GET1: variants seen among roughly 807,000 people sequenced by gnomAD.
GET1 encodes guided entry of tail-anchored proteins factor 1, also known as congenital heart disease 5 protein.
Under a neutral mutation model 22.6 loss-of-function variants are expected in GET1, and 20 were observed. The observed-to-expected ratio is 0.89, with a 90% CI of 0.62 to 1.29. The LOEUF (loss-of-function observed/expected upper bound fraction) is 1.29, where lower values mean the gene tolerates loss of function less well. GET1 is among the 50% of genes most tolerant of loss of function. The probability of loss-of-function intolerance (pLI) is 0.00; values close to 1 mark genes in which losing one functional copy is unlikely to be tolerated. For missense variants in GET1, 209 were observed against 219.9 expected (o/e 0.95, Z 0.31); for synonymous variants, 92 against 83.8 (o/e 1.10, Z -0.53).
Position 39,380,486 on chromosome 21 carries a change from C to A in GET1, c.102C>A (p.Phe34Leu). The A allele has an allele frequency of 6.2e-7, 1 of 1,610,586 alleles. No individual in the cohort carries two copies. The highest frequency in any genetic ancestry group is 8.5e-7 in the Non-Finnish European group (1 of 1,178,312). Residue 34 changes from phenylalanine (F) to leucine (L), a missense_variant and splice_region_variant, in exon 1 of 5, where the codon TTC becomes TTA. By Grantham distance (22) the Phe-to-Leu change is conservative. Transcript: ENST00000649170. ...TCCTCCTCCCGTCCTTCTCATCCTT[C>A]GTAAGTGGCTGCCTGGCCTCCCAAG... ...LRILLPSFSS[F>L]MSRVLQKDAE... is the part of the protein sequence containing the mutation.
intron 1 of GET1, chr21:39,423,137 T>C: frequency 6.2e-7 from 1 of 1,613,716 alleles, no homozygotes; most frequent in South Asian, 1.1e-5. Context: ...CTAAGTTTCC[T>C]AGATAGAGTT....
chr21:39,409,435 TA>T (rs1244915579), downstream of GET1, among the ~76,000 whole-genome samples: 1 of 152,086 alleles, frequency 6.6e-6, no homozygotes. This position sits in a 1 kb window ranked among gnomAD's most constrained non-coding sequence, Gnocchi z 4.2. Context: ...ATGACTGGCC[TA>T]AAACCCAAGA....
chr21:39,382,951 T>A (rs971581070), intron 1 of GET1, among the ~76,000 whole-genome samples: 2 of 152,020 alleles, frequency 1.3e-5, no homozygotes, highest in African/African-American at 4.8e-5. Context: ...TTTATTTTTT[T>A]ATTTATTTTT....
rs181135894 is a variant in GET1, at chr21:39,419,266, T to C, written c.*23+8329T>C. ...CAGGCTGGGTGTGGTGGCTCACACC[T>C]GTAATCCTAACACTTTGGAAGGCCA... On this transcript the variant is annotated intron_variant, in intron 1 of 1. Transcript: ENST00000478273. Among the ~76,000 whole-genome samples, 427 of 152,266 alleles carry C rather than the reference T, an allele frequency of 2.8e-3. 4 individuals are homozygous for C. Among genetic ancestry groups the C allele is most frequent in the African/African-American group, 9.7e-3 (402 of 41,568 alleles).
At chr21:39,410,129 T>TG (rs147198736), downstream of GET1, 897 of 1,453,518 alleles carry the variant, frequency 6.2e-4, 2 homozygotes, top group African/African-American at 0.011. Flanking sequence ...AAACACATTT[T>TG]GGGGGGTCTA....
intron 1 of GET1, 89 bp downstream of exon 1, chr21:39,380,575 G>A (rs2037492070): frequency 2.0e-6 from 3 of 1,533,008 alleles, no homozygotes; most frequent in Non-Finnish European, 1.8e-6. Context: ...GTCTCAACTG[G>A]GCGACTGAAG....
chr21:39,425,379 AG>A (rs2074488815), intron 1 of GET1, among the ~76,000 whole-genome samples: 1 of 152,254 alleles, frequency 6.6e-6, no homozygotes, highest in African/African-American at 2.4e-5. Context: ...TAACTATGAA[AG>A]AACTCATAGA....
At chr21:39,403,715 A>G (rs1233075145) in intron 4 of GET1, among the ~76,000 whole-genome samples, 1 of 149,492 alleles carries the variant, frequency 6.7e-6, no homozygotes. Flanking sequence ...TCTGCCTCCC[A>G]GGTTCAAGCA....
At chr21:39,404,833 ATTT>A (rs1302762040) in intron 4 of GET1, among the ~76,000 whole-genome samples, 3 of 136,820 alleles carry the variant, frequency 2.2e-5, no homozygotes. Flanking sequence ...ACATATATGT[ATTT>A]TTTTTTTTTT....
chr21:39,405,647 A>T (rs2147046426), intron 4 of GET1, among the ~76,000 whole-genome samples: 1 of 152,344 alleles, frequency 6.6e-6, no homozygotes, highest in East Asian at 1.9e-4. Context: ...TCCAGAAGAT[A>T]ATGGATGTTT....
downstream of GET1, chr21:39,410,251 A>G (rs1196476939): frequency 6.5e-7 from 1 of 1,550,178 alleles, no homozygotes; most frequent in Non-Finnish European, 8.9e-7. Context: ...GCAAGATTCC[A>G]AATTTGCTGT....
At chr21:39,395,353 T>A (rs1235710716) in intron 4 of GET1, among the ~76,000 whole-genome samples, 2 of 142,154 alleles carry the variant, frequency 1.4e-5, no homozygotes, top group African/African-American at 5.1e-5. Context: ...GAATACTGTA[T>A]CAAAAGGAAT....
At chr21:39,418,752 G>A (rs915880187) in intron 1 of GET1, among the ~76,000 whole-genome samples, 7 of 152,050 alleles carry the variant, frequency 4.6e-5, no homozygotes, top group Non-Finnish European at 5.9e-5. Context: ...TGCCCGCCTC[G>A]GCCTCCCAAA....
At chr21:39,401,150 A>G (rs902430508), downstream of GET1, among the ~76,000 whole-genome samples, 1 of 152,128 alleles carries the variant, frequency 6.6e-6, no homozygotes, top group African/African-American at 2.4e-5. Context: ...CCTGGACTCA[A>G]GTAATCCTCC....
At chr21:39,412,815 G>A (rs1400243477) in intron 1 of GET1, among the ~76,000 whole-genome samples, 1 of 152,218 alleles carries the variant, frequency 6.6e-6, no homozygotes, top group Non-Finnish European at 1.5e-5. Context: ...TCATCATGGA[G>A]CTAAAGTAAC....
intron 1 of GET1, chr21:39,386,250 C>T (rs1031546719): frequency 6.6e-6 from 1 of 152,390 alleles, no homozygotes; most frequent in Non-Finnish European, 1.5e-5. Flanking sequence ...TAGAGAGCAC[C>T]CCCTCCGCCC....
At chr21:39,380,932 TGG>T in intron 1 of GET1, 2 of 103,778 alleles carry the variant, frequency 1.9e-5, no homozygotes, top group Non-Finnish European at 3.5e-5. Context: ...GTGGGTAGGG[TGG>T]GAGACAGGTG....
intron 1 of GET1, chr21:39,414,111 C>T (rs1477818231): frequency 6.6e-6 from 1 of 152,234 alleles, no homozygotes; most frequent in Non-Finnish European, 1.5e-5. Flanking sequence ...AAACAAGAAG[C>T]TAACCCGTGG....
chr21:39,387,561 G>A (rs1015208009), intron 1 of GET1, among the ~76,000 whole-genome samples: 1 of 152,148 alleles, frequency 6.6e-6, no homozygotes. Context: ...TAGTGGCCAG[G>A]GCAGAGGCAC....
Sources: allele counts gnomAD v4.1 joint callset (sites outside exome capture counted in the v4.1 genomes callset), GRCh38; gene constraint gnomAD v4.1.1; non-coding constraint Gnocchi (gnomAD v3.1); transcripts MANE v1.5; gene names NCBI Gene and HGNC (gene_info 2026-07-23, HGNC 2026-07-21).